Variants in IFIT5 observed in about 807,000 individuals in gnomAD.
IFIT5 encodes interferon induced protein with tetratricopeptide repeats 5, also known as interferon-induced protein with tetratricopeptide repeats 5.
IFIT5 carries 2 observed loss-of-function variants against 5.0 expected under a neutral mutation model. The ratio of observed to expected loss-of-function variants is 0.40; its 90% CI spans 0.16 to 1.26. The LOEUF (loss-of-function observed/expected upper bound fraction) is 1.26, where lower values mean the gene tolerates loss of function less well. Ranked by LOEUF, IFIT5 falls within the 50% of genes most tolerant of loss-of-function variation. The pLI, the probability that IFIT5 is intolerant of heterozygous loss-of-function variation, is 0.33. For synonymous variants in IFIT5, 206 were observed against 204.6 expected (o/e 1.01, Z -0.06); for missense variants, 524 against 563.2 (o/e 0.93, Z 0.70).
rs1482512252 is a variant in IFIT5, at chr10:89,414,785, A to G, written c.-14A>G. On this transcript the variant is annotated 5_prime_UTR_variant, in exon 1 of 2. Coordinates refer to ENST00000371795, the MANE Select transcript of IFIT5 (RefSeq NM_012420.3). ...GGACTGCGCCGCCCGGACGGCCTGC[A>G]GAGCGCTGCCATCATGAGGTAAGGG... is the stretch of plus-strand genomic sequence containing the variant. 6.2e-7 allele frequency: 1 copy of G among 1,608,884 alleles called. No individual in the cohort carries two copies. Among genetic ancestry groups the G allele is most frequent in the South Asian group, 1.1e-5 (1 of 90,408 alleles).
In IFIT5 at chr10:89,417,238, G is replaced by A. The variant is rs559521412; in HGVS notation, c.39G>A (p.Leu13=). ...GTAAGGACACCTTGAAGGCCATTCTGTTGGAGTTAGAATGTCATTTTACAT... is the reference window on the plus strand; with the variant it reads ...GTAAGGACACCTTGAAGGCCATTCTATTGGAGTTAGAATGTCATTTTACAT... The part of the protein sequence containing the change: ...EIRKDTLKAI[L]LELECHFTWN... The change falls in exon 2 of 2, where the codon CTG becomes CTA. Residue 13 remains leucine, a synonymous_variant. Transcript: ENST00000371795. 2 of 1,607,350 alleles carry A rather than the reference G, an allele frequency of 1.2e-6. No individual in the cohort carries two copies. Among genetic ancestry groups the A allele is most frequent in the Non-Finnish European group, 1.7e-6 (2 of 1,174,740 alleles).
intron 1 of IFIT5, among the ~76,000 whole-genome samples, chr10:89,416,606 CCCTTTGAGATCTTACAA>C (rs1841540268): frequency 6.6e-6 from 1 of 152,230 alleles, no homozygotes; most frequent in South Asian, 2.1e-4. Context: ...GATTGAATGT[CCCTTTGAGATCTTACAA>C]CCAAATCCAT....
intron 1 of IFIT5, among the ~76,000 whole-genome samples, chr10:89,415,589 A>G (rs905366589): frequency 1.3e-5 from 2 of 152,108 alleles, no homozygotes; most frequent in South Asian, 4.1e-4. Flanking sequence ...ATCATTTTGT[A>G]TCCCCAGGGG....
At position 89,415,305 on chromosome 10, in the gene IFIT5, C is replaced by T. The variant is rs116778733; in HGVS notation, c.5+502C>T. On this transcript the variant is annotated intron_variant, in intron 1 of 1. Coordinates refer to ENST00000371795, the MANE Select transcript of IFIT5 (RefSeq NM_012420.3). Reference sequence around the variant, plus strand: ...GGCGCTGTTCCGGGGGCAGCTGCTACGTGCCACGGGTCTCCTTAGGCCTGT... The same window carrying T: ...GGCGCTGTTCCGGGGGCAGCTGCTATGTGCCACGGGTCTCCTTAGGCCTGT... Among the ~76,000 whole-genome samples the T allele has an allele frequency of 6.7e-3, 1,027 of 152,336 alleles. 8 individuals are homozygous for T. The highest frequency in any genetic ancestry group is 0.024 in the African/African-American group (984 of 41,576).
In IFIT5 at chr10:89,418,329, A is replaced by C. The variant is rs201284811; in HGVS notation, c.1130A>C (p.Gln377Pro). 1 of 1,614,224 alleles carries C rather than the reference A, an allele frequency of 6.2e-7. No homozygotes were observed. The highest frequency in any genetic ancestry group is 2.2e-5 in the East Asian group (1 of 44,888). ...AACATAACCGATGATCACAAACATC[A>C]GATCCATTACCACTATGGCCGCTTT... ...LENITDDHKH[Q>P]IHYHYGRFQE... The change falls in exon 2 of 2, where the codon CAG becomes CCG. Residue 377 changes from glutamine (Q) to proline (P), a missense_variant. Gln to Pro is a moderately conservative substitution (Grantham distance 76). Coordinates refer to ENST00000371795, the MANE Select transcript of IFIT5 (RefSeq NM_012420.3).
rs1841569835 is a variant in IFIT5, at chr10:89,418,672, C to CT, written c.*25dup. 3.9e-5 allele frequency: 60 copies of CT among 1,553,634 alleles called. No homozygotes were observed. Among genetic ancestry groups the CT allele is most frequent in the Non-Finnish European group, 5.1e-5 (59 of 1,153,118 alleles). The stretch of plus-strand genomic sequence containing the variant: ...AAATACATACTCTAGGAAATTAGCT[C>CT]TAAGTTTTTCCCTTCATTTTGGGTT... On this transcript the variant is annotated 3_prime_UTR_variant, in exon 2 of 2. Transcript: ENST00000371795.
Position 89,417,567 on chromosome 10 carries a change from T to C in IFIT5, c.368T>C (p.Val123Ala). 2.5e-6 allele frequency: 4 copies of C among 1,614,210 alleles called. No individual in the cohort carries two copies. The highest frequency in any genetic ancestry group is 3.4e-6 in the Non-Finnish European group (4 of 1,180,022). The change falls in exon 2 of 2, where the codon GTC becomes GCC. Residue 123 changes from valine to alanine, a missense_variant. By Grantham distance (64) the Val-to-Ala change is moderately conservative. Transcript: ENST00000371795. ...AAGTATACAGGTAAGATAGGGAATG[T>C]CTGTAAGAAATTGTCCAGTCCTTCT... is the stretch of plus-strand genomic sequence containing the variant. ...AQKYTGKIGN[V>A]CKKLSSPSNY...
chr10:89,417,101 C>G, intron 1 of IFIT5, 104 bp from the exon 2 acceptor site: 1 of 958,100 alleles, frequency 1.0e-6, no homozygotes. Flanking sequence ...ACTGTAAGAT[C>G]AAATAGGGAT....
In IFIT5 at chr10:89,420,572, C is replaced by T. The variant is rs564804609; in HGVS notation, c.*1924C>T. The T allele has an allele frequency of 3.3e-5, 5 of 152,354 alleles. No homozygotes were observed. Among genetic ancestry groups the T allele is most frequent in the Non-Finnish European group, 7.3e-5 (5 of 68,034 alleles). 9.4% of individuals were successfully genotyped at this position (152,354 alleles called of 1,614,324 possible). ...TATAAATCAGGGCTGTGTTCATACA[C>T]AGAAGGGGCCTGAGATTTCTGCACT... On this transcript the variant is annotated 3_prime_UTR_variant, in exon 2 of 2. Transcript: ENST00000371795.
chr10:89,418,042 T>A lies in IFIT5; in HGVS notation c.843T>A (p.Thr281=). 1 of 1,614,188 alleles carries A rather than the reference T, an allele frequency of 6.2e-7. No individual in the cohort carries two copies. The highest frequency in any genetic ancestry group is 2.2e-5 in the East Asian group (1 of 44,890). ...AAAAGGCCTTGGAGGTGACACCAAC[T>A]TCTTCTTTCCTGCATCACCAGATGG... ...LLKKALEVTP[T]SSFLHHQMGL... is the part of the protein sequence containing the mutation. Residue 281 remains threonine (T), a synonymous_variant, in exon 2 of 2, where the codon ACT becomes ACA. Coordinates refer to ENST00000371795, the MANE Select transcript of IFIT5 (RefSeq NM_012420.3).
rs1260198450 is a variant in IFIT5 at position 89,418,345 on chromosome 10, T to C, written c.1146T>C (p.Tyr382=). 6.2e-7 allele frequency: 1 copy of C among 1,614,210 alleles called. No homozygotes were observed. Among genetic ancestry groups the C allele is most frequent in the Non-Finnish European group, 8.5e-7 (1 of 1,180,022 alleles). The change falls in exon 2 of 2, where the codon TAT becomes TAC. Residue 382 remains tyrosine (Y), a synonymous_variant. Transcript: ENST00000371795. ...DDHKHQIHYH[Y]GRFQEFHRKS... ...ACAAACATCAGATCCATTACCACTA[T>C]GGCCGCTTTCAGGAATTTCACCGTA...
rs766323262 is a variant in IFIT5, at chr10:89,417,733, C to T, written c.534C>T (p.Ile178=). The change falls in exon 2 of 2, where the codon ATC becomes ATT. Residue 178 remains isoleucine (I), a synonymous_variant. Transcript: ENST00000371795. ...EVEPDNPEFN[I]GYAITVYRLD... is the part of the protein sequence containing the mutation. ...AGCCTGACAATCCAGAATTTAACAT[C>T]GGCTATGCTATCACAGTGTATCGGC... 15 of 1,614,012 alleles carry T rather than the reference C, an allele frequency of 9.3e-6. No individual in the cohort carries two copies. The highest frequency in any genetic ancestry group is 3.3e-5 in the Admixed American group (2 of 59,994).
chr10:89,414,940 T>A, intron 1 of IFIT5, 137 bp downstream of exon 1: 1 of 1,173,460 alleles, frequency 8.5e-7, no homozygotes, highest in Non-Finnish European at 1.2e-6. Flanking sequence ...ACCGGGCATC[T>A]GCGTTGGGGA....
chr10:89,417,131 A>G, intron 1 of IFIT5, 74 bp from the exon 2 acceptor site: 1 of 1,270,912 alleles, frequency 7.9e-7, no homozygotes, highest in South Asian at 1.6e-5. Context: ...TGTTATGCAA[A>G]GAACAATATT....
rs1188404614 is a variant in IFIT5 at position 89,418,076 on chromosome 10, T to C, written c.877T>C (p.Tyr293His). Reference protein sequence around the residue: ...SFLHHQMGLCYRAQMIQIKKA... With the variant: ...SFLHHQMGLCHRAQMIQIKKA... ...CCTGCATCACCAGATGGGACTTTGC[T>C]ACAGGGCACAAATGATCCAAATCAA... Residue 293 changes from tyrosine to histidine, a missense_variant, in exon 2 of 2, where the codon TAC (tyrosine) becomes CAC (histidine). Transcript: ENST00000371795. 1.2e-6 allele frequency: 2 copies of C among 1,614,062 alleles called. No homozygotes were observed. Among genetic ancestry groups the C allele is most frequent in the Non-Finnish European group, 1.7e-6 (2 of 1,180,032 alleles).
Position 89,417,501 on chromosome 10 carries a change from C to A in IFIT5, c.302C>A (p.Ala101Asp). 6.2e-7 allele frequency: 1 copy of A among 1,614,098 alleles called. No homozygotes were observed. Among genetic ancestry groups the A allele is most frequent in the Non-Finnish European group, 8.5e-7 (1 of 1,180,008 alleles). ...AGCCTGGTCACTTGGGGAAACTATGCCTGGGTGTATTATCACATGGACCAG... is the reference window on the plus strand; with the variant it reads ...AGCCTGGTCACTTGGGGAAACTATGACTGGGTGTATTATCACATGGACCAG... ...VRSLVTWGNY[A>D]WVYYHMDQLE... The change falls in exon 2 of 2, where the codon GCC becomes GAC. Residue 101 changes from alanine to aspartate, a missense_variant. Physicochemically the swap from Ala to Asp is moderately radical, Grantham distance 126. Transcript: ENST00000371795.
chr10:89,415,440 C>T (rs1038022502), intron 1 of IFIT5, among the ~76,000 whole-genome samples: 5 of 152,258 alleles, frequency 3.3e-5, no homozygotes, highest in African/African-American at 9.6e-5. Context: ...TTTCTGATTT[C>T]TGGGTCTGAG....
Position 89,414,742 on chromosome 10 carries a change from A to C in IFIT5, c.-57A>C. 3.8e-6 allele frequency: 6 copies of C among 1,593,564 alleles called. No individual in the cohort carries two copies. Among genetic ancestry groups the C allele is most frequent in the Non-Finnish European group, 5.1e-6 (6 of 1,173,620 alleles). On this transcript the variant is annotated 5_prime_UTR_variant, in exon 1 of 2. Transcript: ENST00000371795. ...CGGCTTCCCGCGGTCCCCGGTGCTG[A>C]GGAGAGAGCGATCCGAGGGACTGCG... is the stretch of plus-strand genomic sequence containing the variant.
Position 89,417,860 on chromosome 10 carries a change from C to G in IFIT5, c.661C>G (p.Leu221Val). Reference protein sequence around the residue: ...NPDNSYIKVFLALKLQDVHAE... With the variant: ...NPDNSYIKVFVALKLQDVHAE... ...AGATAACAGCTATATTAAGGTTTTT[C>G]TGGCACTGAAGCTTCAAGATGTACA... Residue 221 changes from leucine (L) to valine (V), a missense_variant, in exon 2 of 2, where the codon CTG becomes GTG. Physicochemically the swap from Leu to Val is conservative, Grantham distance 32 (BLOSUM62 1). Coordinates refer to ENST00000371795, the MANE Select transcript of IFIT5 (RefSeq NM_012420.3). 1 of 1,614,188 alleles carries G rather than the reference C, an allele frequency of 6.2e-7. No homozygotes were observed. The highest frequency in any genetic ancestry group is 8.5e-7 in the Non-Finnish European group (1 of 1,180,030).
Sources: gnomAD v4.1 joint callset for allele counts (sites outside exome capture counted in the v4.1 genomes callset) on GRCh38, gnomAD v4.1.1 for gene constraint, MANE v1.5 for transcripts, NCBI Gene and HGNC (gene_info 2026-07-23, HGNC 2026-07-21) for gene names.